Variants in PLXNA3 observed in about 807,000 individuals in gnomAD.
PLXNA3 encodes plexin-A3.
In PLXNA3, 52 loss-of-function variants were observed where a neutral mutation model predicts 118.8. That is an observed-to-expected ratio of 0.44 (90% CI 0.35 to 0.55). The LOEUF is 0.55. PLXNA3 is among the 20% of genes least tolerant of loss of function. The probability of loss-of-function intolerance (pLI) is 0.01; values close to 1 mark genes in which losing one functional copy is unlikely to be tolerated. For missense variants in PLXNA3, 1,660 were observed against 1,730.8 expected, an observed-to-expected ratio of 0.96 and a Z score of 0.73; for synonymous variants, 925 against 762.4, an observed-to-expected ratio of 1.21 and a Z score of -3.51.
In PLXNA3 at chrX:154,470,015, C is replaced by T. The variant is rs782446260; in HGVS notation, c.4834C>T (p.Arg1612Cys). ...CACGGCCAGCAGCCCTGATAGCCTC[C>T]GCTCACGGGCACCCATGATTACGCC... Reference protein sequence around the residue: ...LRTASSPDSLRSRAPMITPDQ... With the variant: ...LRTASSPDSLCSRAPMITPDQ... The change falls in exon 29 of 33, where the codon CGC becomes TGC. Residue 1612 changes from arginine (R) to cysteine (C), a missense_variant. By Grantham distance (180) the Arg-to-Cys change is radical. Transcript: ENST00000369682. 7 of 1,210,129 alleles carry T rather than the reference C, an allele frequency of 5.8e-6. No homozygotes were observed. The highest frequency in any genetic ancestry group is 5.6e-6 in the Non-Finnish European group (5 of 895,137).
chrX:154,467,475 C>T lies in PLXNA3; in HGVS notation c.3441+4C>T, dbSNP rs782647042. On this transcript the variant is annotated splice_donor_region_variant and intron_variant, in intron 19 of 32. Transcript: ENST00000369682. ...GGGCTCCCACGTGGTGCTGAAGGTG[C>T]GGGCGGGGTGGGGGCGGGGAGGGGC... 6 of 389,857 alleles carry T rather than the reference C, an allele frequency of 1.5e-5. No individual in the cohort carries two copies. Among genetic ancestry groups the T allele is most frequent in the South Asian group, 3.4e-5 (1 of 29,044 alleles). 32.1% of individuals were successfully genotyped at this position (389,857 alleles called of 1,213,427 possible).
At chrX:154,471,741 C>T (rs2148257028) in intron 32 of PLXNA3, 103 bp downstream of exon 32, 1 of 791,317 alleles carries the variant, frequency 1.3e-6, no homozygotes, top group South Asian at 2.7e-5. Context: ...CACGGTCTCT[C>T]CCCTGACCAG....
At position 154,470,232 on chromosome X, in the gene PLXNA3, G is replaced by C. The variant is rs1283053611; in HGVS notation, c.4986+65G>C. ...GGTTGTCCCGGCCTTACAGGGGAGG[G>C]GCCATGGATCATTTGCTTCCAGTGG... On this transcript the variant is annotated intron_variant, in intron 29 of 32. Transcript: ENST00000369682. 3.7e-6 allele frequency: 4 copies of C among 1,094,590 alleles called. No homozygotes were observed. In the African/African-American group the frequency reaches 7.2e-5, roughly 20 times the overall value. 90.2% of individuals were successfully genotyped at this position (1,094,590 alleles called of 1,213,427 possible). A position where few individuals can be genotyped will look rare whatever the true frequency, so the allele number is the denominator to read the frequency against.
In PLXNA3 at chrX:154,462,417, C is replaced by T. The variant is rs782051289; in HGVS notation, c.1317+107C>T. 1.2e-4 allele frequency: 75 copies of T among 618,902 alleles called. 1 individual carries two copies. The Admixed American group carries it at 2.5e-3, about 21-fold the overall frequency. 51.0% of individuals were successfully genotyped at this position (618,902 alleles called of 1,213,427 possible). ...TCTGAGGACAGGACAGGAGAGGACA[C>T]GGCTGGTGCAGGGAGGGAGATTTCC... On this transcript the variant is annotated intron_variant, in intron 4 of 32. Transcript: ENST00000369682.
chrX:154,472,946 G>T lies in PLXNA3; in HGVS notation c.*261G>T. Reference sequence around the variant, plus strand: ...CCACCCTCCTGCCCTGTGCCCAGGTGTTGGGACAGTCCCACCCTCCCTGCT... The same window carrying T: ...CCACCCTCCTGCCCTGTGCCCAGGTTTTGGGACAGTCCCACCCTCCCTGCT... On this transcript the variant is annotated 3_prime_UTR_variant, in exon 33 of 33. Transcript: ENST00000369682. 1 of 330,423 alleles carries T rather than the reference G, an allele frequency of 3.0e-6. No individual in the cohort carries two copies. The highest frequency in any genetic ancestry group is 6.1e-5 in the South Asian group (1 of 16,402). 27.2% of individuals were successfully genotyped at this position (330,423 alleles called of 1,213,427 possible). A position where few individuals can be genotyped will look rare whatever the true frequency, so the allele number is the denominator to read the frequency against.
chrX:154,466,242 C>T lies in PLXNA3; in HGVS notation c.2771C>T (p.Thr924Met). The change falls in exon 15 of 33, where the codon ACG becomes ATG. Residue 924 changes from threonine to methionine, a missense_variant. This residue lies in a region of PLXNA3 where 869 missense variants were observed against 1,078.7 expected (regional missense o/e 0.81). Coordinates refer to ENST00000369682, the MANE Select transcript of PLXNA3 (RefSeq NM_017514.5). The part of the protein sequence containing the change: ...CVGDCSADFR[T>M]QSEQVYSFVT... The stretch of plus-strand genomic sequence containing the variant: ...GGTGACTGTTCAGCCGACTTCCGCA[C>T]GCAGTCGGAGCAGGTCTACAGCTTT... 1.7e-6 allele frequency: 2 copies of T among 1,209,056 alleles called. No individual in the cohort carries two copies. Among genetic ancestry groups the T allele is most frequent in the Non-Finnish European group, 2.2e-6 (2 of 895,352 alleles).
chrX:154,462,227 G>T lies in PLXNA3; in HGVS notation c.1234G>T (p.Asp412Tyr). The T allele has an allele frequency of 8.3e-7, 1 of 1,203,059 alleles. No individual in the cohort carries two copies. The highest frequency in any genetic ancestry group is 1.1e-6 in the Non-Finnish European group (1 of 890,716). The change falls in exon 4 of 33, where the codon GAC (aspartate) becomes TAC (tyrosine). Residue 412 changes from aspartate (D) to tyrosine (Y), a missense_variant. Physicochemically the swap from Asp to Tyr is radical, Grantham distance 160. This residue lies in a region of PLXNA3 where 791 missense variants were observed against 652.1 expected (regional missense o/e 1.21). Coordinates refer to ENST00000369682, the MANE Select transcript of PLXNA3 (RefSeq NM_017514.5). Reference sequence around the variant, plus strand: ...GCTGCCCCTGCTGGCCGACAGCACCGACGGCATGGCCAGCGTGGCCGCCTA... The same window carrying T: ...GCTGCCCCTGCTGGCCGACAGCACCTACGGCATGGCCAGCGTGGCCGCCTA... ...EGLPLLADST[D>Y]GMASVAAYTY...
At chrX:154,462,529 G>C (rs973440427) in intron 4 of PLXNA3, among the ~76,000 whole-genome samples, 2 of 112,450 alleles carry the variant, frequency 1.8e-5, no homozygotes, top group African/African-American at 6.5e-5. Context: ...ACTGTGGACT[G>C]AATTGCCAGC....
chrX:154,466,351 C>A, intron 15 of PLXNA3, 25 bp from the exon 16 acceptor site: 5 of 1,211,451 alleles, frequency 4.1e-6, no homozygotes, highest in Non-Finnish European at 5.6e-6. Context: ...CCCGGCTCCT[C>A]CCCTCAGGGC....
In PLXNA3 at chrX:154,464,849, G is replaced by T; in HGVS notation, c.2024G>T (p.Gly675Val). 1 of 1,201,715 alleles carries T rather than the reference G, an allele frequency of 8.3e-7. No homozygotes were observed. The highest frequency in any genetic ancestry group is 2.3e-4 in the Middle Eastern group (1 of 4,288). The change falls in exon 10 of 33, where the codon GGC becomes GTC. Residue 675 changes from glycine (G) to valine (V), a missense_variant. By Grantham distance (109) the Gly-to-Val change is moderately radical. Coordinates refer to ENST00000369682, the MANE Select transcript of PLXNA3 (RefSeq NM_017514.5). The stretch of plus-strand genomic sequence containing the variant: ...CCCCACGAGTGCTCCTTCCAGGAGG[G>T]CAGGGTCCACAGCCCTGAGGTGAGG... ...SRPHECSFQE[G>V]RVHSPEGCPE...
rs1197653763 is a variant in PLXNA3, at chrX:154,465,350, G to T, written c.2245-74G>T. 2.9e-6 allele frequency: 3 copies of T among 1,037,614 alleles called. No homozygotes were observed. In the South Asian group the frequency reaches 5.8e-5, roughly 20 times the overall value. 85.5% of individuals were successfully genotyped at this position (1,037,614 alleles called of 1,213,427 possible). ...TAGGGATTCCTGTACCTGGAGGAGGGGGGCAGCTGGCAAAAATCTTGGGTA... is the reference window on the plus strand; with the variant it reads ...TAGGGATTCCTGTACCTGGAGGAGGTGGGCAGCTGGCAAAAATCTTGGGTA... On this transcript the variant is annotated intron_variant, in intron 11 of 32. Coordinates refer to ENST00000369682, the MANE Select transcript of PLXNA3 (RefSeq NM_017514.5).
intron 29 of PLXNA3, 67 bp downstream of exon 29, chrX:154,470,234 C>G (rs1344954385): frequency 3.7e-6 from 4 of 1,089,002 alleles, no homozygotes; most frequent in Non-Finnish European, 5.0e-6. Context: ...AGGGGAGGGG[C>G]CATGGATCAT....
intron 16 of PLXNA3, 53 bp from the exon 17 acceptor site, chrX:154,466,570 G>A: frequency 1.3e-5 from 16 of 1,189,602 alleles, no homozygotes; most frequent in Non-Finnish European, 1.8e-5. Context: ...CGTGGGGACG[G>A]GTGGCTGAGG....
Position 154,466,058 on chromosome X carries a change from G to T in PLXNA3, c.2656G>T (p.Ala886Ser), listed in dbSNP as rs1557206927. 6 of 1,209,374 alleles carry T rather than the reference G, an allele frequency of 5.0e-6. No homozygotes were observed. The highest frequency in any genetic ancestry group is 6.7e-6 in the Non-Finnish European group (6 of 894,123). ...VAGVRCNSIP[A>S]EYISAERIVC... ...TGGCGTGCGTTGCAACTCCATTCCGGCCGAGTACATCAGTGCTGAGAGGTG... is the reference window on the plus strand; with the variant it reads ...TGGCGTGCGTTGCAACTCCATTCCGTCCGAGTACATCAGTGCTGAGAGGTG... Residue 886 changes from alanine to serine, a missense_variant, in exon 14 of 33, where the codon GCC becomes TCC. By Grantham distance (99) the Ala-to-Ser change is moderately conservative. Around this residue, in one of 2 missense-constraint regions of PLXNA3, gnomAD observed 869 missense variants for 1,078.7 expected, o/e 0.81. Coordinates refer to ENST00000369682, the MANE Select transcript of PLXNA3 (RefSeq NM_017514.5).
In PLXNA3 at chrX:154,460,358, A is replaced by G; in HGVS notation, c.175A>G (p.Asn59Asp). The change falls in exon 2 of 33, where the codon AAC becomes GAC. Residue 59 changes from asparagine (N) to aspartate (D), a missense_variant. This residue lies in a region of PLXNA3 where 791 missense variants were observed against 652.1 expected (regional missense o/e 1.21). Transcript: ENST00000369682. Reference protein sequence around the residue: ...AVNRVFKLAPNLTELRAHVTG... With the variant: ...AVNRVFKLAPDLTELRAHVTG... ...GAACCGAGTCTTTAAGCTGGCCCCC[A>G]ACCTGACTGAGCTGCGGGCCCATGT... 1 of 1,210,574 alleles carries G rather than the reference A, an allele frequency of 8.3e-7. No homozygotes were observed. The highest frequency in any genetic ancestry group is 1.1e-6 in the Non-Finnish European group (1 of 895,054).
chrX:154,470,802 T>C, intron 30 of PLXNA3, 191 bp downstream of exon 30: 1 of 461,790 alleles, frequency 2.2e-6, no homozygotes, highest in Non-Finnish European at 3.7e-6. Flanking sequence ...CTGGACTGCC[T>C]GGGTGGGTGG....
At position 154,460,232 on chromosome X, in the gene PLXNA3, G is replaced by C; in HGVS notation, c.49G>C (p.Ala17Pro). 1 of 1,209,372 alleles carries C rather than the reference G, an allele frequency of 8.3e-7. No homozygotes were observed. The highest frequency in any genetic ancestry group is 1.1e-6 in the Non-Finnish European group (1 of 894,166). Reference protein sequence around the residue: ...LLLLFLAVGGALGNRPFRAFV... With the variant: ...LLLLFLAVGGPLGNRPFRAFV... ...GCTGCTCTTCCTTGCCGTGGGGGGG[G>C]CCCTGGGCAACAGGCCCTTCCGTGC... Residue 17 changes from alanine (A) to proline (P), a missense_variant, in exon 2 of 33, where the codon GCC becomes CCC. Physicochemically the swap from Ala to Pro is conservative, Grantham distance 27 (BLOSUM62 -1). Coordinates refer to ENST00000369682, the MANE Select transcript of PLXNA3 (RefSeq NM_017514.5).
At position 154,462,273 on chromosome X, in the gene PLXNA3, T is replaced by C. The variant is rs782288328; in HGVS notation, c.1280T>C (p.Val427Ala). Residue 427 changes from valine to alanine, a missense_variant, in exon 4 of 33, where the codon GTG becomes GCG. Transcript: ENST00000369682. ...GCCTACACCTACCGCCAGCACTCTGTGGTCTTCATTGGCACGCGCAGCGGC... is the reference window on the plus strand; with the variant it reads ...GCCTACACCTACCGCCAGCACTCTGCGGTCTTCATTGGCACGCGCAGCGGC... ...VAAYTYRQHS[V>A]VFIGTRSGSL... 8.5e-7 allele frequency: 1 copy of C among 1,171,239 alleles called. No homozygotes were observed. Among genetic ancestry groups the C allele is most frequent in the African/African-American group, 1.8e-5 (1 of 55,680 alleles).
intron 3 of PLXNA3, 64 bp downstream of exon 3, chrX:154,461,702 G>A (rs1326921158): frequency 9.6e-7 from 1 of 1,044,365 alleles, no homozygotes; most frequent in Non-Finnish European, 1.3e-6. Flanking sequence ...GCCCAGCGTG[G>A]GCTCACGGCC....
Sources: allele counts gnomAD v4.1 joint callset (sites outside exome capture counted in the v4.1 genomes callset), GRCh38; gene constraint gnomAD v4.1.1; regional missense constraint gnomAD v4.1.1; transcripts MANE v1.5; gene names NCBI Gene and HGNC (gene_info 2026-07-23, HGNC 2026-07-21).